Variants in DMD observed in about 807,000 individuals in gnomAD.
The protein encoded by DMD is mutant dystrophin.
A neutral mutation model predicts 330.1 loss-of-function variants in DMD; 63 were observed. The ratio of observed to expected loss-of-function variants is 0.19; its 90% confidence interval spans 0.16 to 0.24. The LOEUF is 0.24. DMD is among the 10% of genes least tolerant of loss of function. DMD has a pLI of 1.00. For synonymous variants in DMD, 1,223 were observed against 959.8 expected (o/e 1.27, Z -5.07); for missense variants, 3,344 against 2,684.1 (o/e 1.25, Z -5.43).
At chrX:31,484,454 C>A (rs979554904) in intron 57 of DMD, among the ~76,000 whole-genome samples, 1 of 111,870 alleles carries the variant, frequency 8.9e-6, no homozygotes, top group Admixed American at 9.5e-5. Flanking sequence ...TAAAACACAT[C>A]CTCTTCCCCA....
intron 1 of DMD, among the ~76,000 whole-genome samples, chrX:33,237,225 C>T (rs1197014862): frequency 1.3e-4 from 12 of 95,614 alleles, no homozygotes; most frequent in Admixed American, 2.3e-4. Context: ...TCCCTCCCTC[C>T]CTCCCTCTTT....
In DMD at chrX:32,814,309, G is replaced by T. The variant is rs148797338; in HGVS notation, c.530+2159C>A. Among the ~76,000 whole-genome samples the T allele has an allele frequency of 2.1e-3, 234 of 112,244 alleles. 4 individuals carry two copies. The East Asian group carries it at 0.031, about 15-fold the overall frequency. On this transcript the variant is annotated intron_variant, in intron 6 of 78. Transcript: ENST00000357033. ...GTAGAAATCTGGCTTCCTTTGAAGGGTATTGTAGTGGACTTTGCGTTTTAT... is the reference window on the plus strand; with the variant it reads ...GTAGAAATCTGGCTTCCTTTGAAGGTTATTGTAGTGGACTTTGCGTTTTAT...
rs1304106121 is a variant in DMD, at chrX:32,380,688, G to C, written c.4675-8C>G. On this transcript the variant is annotated splice_polypyrimidine_tract_variant and splice_region_variant and intron_variant, in intron 33 of 78. Transcript: ENST00000357033. ...TTGCTTTCTTTCTGTTACCTGAAAA[G>C]AATTATAATGAAATGTAATTTAGTT... 1.6e-5 allele frequency: 19 copies of C among 1,194,665 alleles called. No individual in the cohort carries two copies. Among genetic ancestry groups the C allele is most frequent in the Non-Finnish European group, 2.1e-5 (19 of 886,364 alleles).
chrX:33,334,627 A>C (rs2148966957), intron 1 of DMD, among the ~76,000 whole-genome samples: 1 of 111,345 alleles, frequency 9.0e-6, no homozygotes, highest in African/African-American at 3.2e-5. Context: ...TGTGTCAGAA[A>C]TATTCTTGAA....
chrX:31,290,077 T>C (rs146425282), intron 62 of DMD, among the ~76,000 whole-genome samples: 5,786 of 108,738 alleles, frequency 0.053, 155 homozygotes, highest in Non-Finnish European at 0.085. Context: ...CACGCCACCA[T>C]GCCTGGCTGA....
chrX:32,287,903 G>A (rs969684176), intron 42 of DMD, among the ~76,000 whole-genome samples: 4 of 110,418 alleles, frequency 3.6e-5, no homozygotes, highest in Non-Finnish European at 5.7e-5. Flanking sequence ...CTCATCCTGA[G>A]AGAGTGGATC....
At chrX:33,225,819 C>T (rs1172137650) in intron 1 of DMD, among the ~76,000 whole-genome samples, 2 of 110,257 alleles carry the variant, frequency 1.8e-5, no homozygotes, top group Admixed American at 2.0e-4. Context: ...ATATATCTGA[C>T]CATGCACTAG....
chrX:32,582,241 C>A (rs778702405), intron 13 of DMD, among the ~76,000 whole-genome samples: 2 of 110,620 alleles, frequency 1.8e-5, no homozygotes, highest in Admixed American at 1.9e-4. Context: ...CAAAAACAAC[C>A]TATATATGTA....
chrX:32,774,756 T>C (rs1477918449), intron 7 of DMD, among the ~76,000 whole-genome samples: 20 of 111,039 alleles, frequency 1.8e-4, no homozygotes, highest in Admixed American at 1.6e-3. Context: ...TTTGGGTGGG[T>C]ACACATAGCC....
chrX:31,265,781 T>TGGGGGGGGG (rs2050980642), intron 62 of DMD, among the ~76,000 whole-genome samples: 2 of 393 alleles, frequency 5.1e-3, no homozygotes, highest in African/African-American at 0.015. Flanking sequence ...TGATTGGGGG[T>TGGGGGGGGG]GTGGGGGGGG....
intron 44 of DMD, among the ~76,000 whole-genome samples, chrX:32,050,062 A>AT (rs1446372443): frequency 8.9e-6 from 1 of 111,759 alleles, no homozygotes; most frequent in Non-Finnish European, 1.9e-5. Flanking sequence ...GTATTTTGGT[A>AT]TTTTTAATTA....
intron 60 of DMD, among the ~76,000 whole-genome samples, chrX:31,384,360 TA>T (rs1459557095): frequency 9.9e-6 from 1 of 101,416 alleles, no homozygotes; most frequent in Non-Finnish European, 2.0e-5. Context: ...CTACTACTAC[TA>T]CTTTAGCTTC....
rs1274136893 is a variant in DMD, at chrX:31,120,918, T to TAAG, written c.*998_*1000dup. 2 of 111,250 alleles carry TAAG rather than the reference T, an allele frequency of 1.8e-5. No individual in the cohort carries two copies. The highest frequency in any genetic ancestry group is 3.3e-5 in the African/African-American group (1 of 30,192). The allele number at this position is 111,250 out of a possible 1,213,427, so 9.2% of individuals were successfully genotyped here. ...CAACCGATTACTCACTCTGATATAA[T>TAAG]AAGTCCTGTGTATTCATTCACATGT... On this transcript the variant is annotated 3_prime_UTR_variant, in exon 79 of 79. Coordinates refer to ENST00000357033, the MANE Select transcript of DMD (RefSeq NM_004006.3).
chrX:32,829,738 G>C (rs375914167), intron 4 of DMD, among the ~76,000 whole-genome samples: 17 of 111,553 alleles, frequency 1.5e-4, no homozygotes, highest in African/African-American at 5.5e-4. Flanking sequence ...GAGTATGTAT[G>C]AGCTATATAA....
In DMD at chrX:32,565,714, C is replaced by T; in HGVS notation, c.1980G>A (p.Lys660=). The change falls in exon 16 of 79, where the codon AAG becomes AAA. Residue 660 remains lysine (K), a synonymous_variant. Coordinates refer to ENST00000357033, the MANE Select transcript of DMD (RefSeq NM_004006.3). ...CWDNLVQKLE[K]STAQISQAVT... ...TGGTATCACTAACCTGTGCTGTACT[C>T]TTTTCAAGTTTTTGGACTAAATTAT... is the stretch of plus-strand genomic sequence containing the variant. 1 of 1,211,560 alleles carries T rather than the reference C, an allele frequency of 8.3e-7. No individual in the cohort carries two copies. Among genetic ancestry groups the T allele is most frequent in the Non-Finnish European group, 1.1e-6 (1 of 895,287 alleles).
intron 19 of DMD, among the ~76,000 whole-genome samples, chrX:32,492,007 C>T (rs192577440): frequency 1.1e-4 from 12 of 111,108 alleles, no homozygotes; most frequent in African/African-American, 3.9e-4. Flanking sequence ...AAAAAAAATC[C>T]AAGATTATTC....
chrX:31,332,429 T>G (rs1039452196), intron 61 of DMD, among the ~76,000 whole-genome samples: 3 of 110,683 alleles, frequency 2.7e-5, no homozygotes, highest in African/African-American at 6.6e-5. Context: ...GAGAGAGGAG[T>G]AGAGAGAGAA....
chrX:32,047,545 CAT>C (rs2096072718), intron 44 of DMD, among the ~76,000 whole-genome samples: 1 of 111,338 alleles, frequency 9.0e-6, no homozygotes, highest in South Asian at 3.7e-4. Context: ...GTAATAAAAA[CAT>C]ATATATTTAA....
intron 1 of DMD, among the ~76,000 whole-genome samples, chrX:33,106,665 C>T (rs1270483271): frequency 8.9e-6 from 1 of 111,888 alleles, no homozygotes; most frequent in Non-Finnish European, 1.9e-5. Flanking sequence ...ATGTTTTGAA[C>T]ACATCCACTG....
Sources: allele counts gnomAD v4.1 joint callset (sites outside exome capture counted in the v4.1 genomes callset), GRCh38; gene constraint gnomAD v4.1.1; transcripts MANE v1.5; gene names NCBI Gene and HGNC (gene_info 2026-07-23, HGNC 2026-07-21).